The following PTPRN2 variants were observed in gnomAD, a reference collection of about 807,000 sequenced individuals.
PTPRN2 encodes receptor-type tyrosine-protein phosphatase N2.
A neutral mutation model predicts 118.8 loss-of-function variants in PTPRN2; 74 were observed. That is an observed-to-expected ratio of 0.62 (90% CI 0.52 to 0.76). PTPRN2 has a LOEUF of 0.76. Among genes scored for constraint, PTPRN2 ranks in the 30% least tolerant of loss-of-function variants. PTPRN2 has a pLI of 0.00. For missense variants in PTPRN2, 1,481 were observed against 1,394.4 expected (o/e 1.06, Z -0.99); for synonymous variants, 641 against 608.0 (o/e 1.05, Z -0.80).
intron 3 of PTPRN2, among the ~76,000 whole-genome samples, chr7:158,311,003 G>A (rs56323418): frequency 3.9e-5 from 6 of 152,204 alleles, no homozygotes; most frequent in African/African-American, 1.4e-4. Context: ...GGTCGGGTAG[G>A]GGGTGGATCT....
intron 1 of PTPRN2, among the ~76,000 whole-genome samples, chr7:158,491,133 G>A (rs773496391): frequency 3.0e-4 from 45 of 152,354 alleles, no homozygotes; most frequent in Admixed American, 1.2e-3. Context: ...CAGCACGTGC[G>A]GAGGCTTTAA....
In PTPRN2 at chr7:157,771,961, CAG is replaced by C. The variant is rs1491242280; in HGVS notation, c.1789-89026_1789-89025del. ...ACACATACAAAGACACACATACAGA[CAG>C]ACACACACACATACACACGGACACA... On this transcript the variant is annotated intron_variant, in intron 12 of 22. Coordinates refer to ENST00000389418, the MANE Select transcript of PTPRN2 (RefSeq NM_002847.5). 1.6e-4 allele frequency among the ~76,000 whole-genome samples: 24 copies of C among 147,352 alleles called. No individual in the cohort carries two copies. In the South Asian group the frequency reaches 2.1e-3, roughly 13 times the overall value.
chr7:157,926,596 CTGAG>C (rs934254881), intron 11 of PTPRN2, among the ~76,000 whole-genome samples: 9 of 152,344 alleles, frequency 5.9e-5, no homozygotes, highest in Middle Eastern at 3.4e-3. Context: ...CTGTGTGTTC[CTGAG>C]TAACTGGGCG....
chr7:158,185,233 G>A (rs561996653), intron 5 of PTPRN2, among the ~76,000 whole-genome samples: 1 of 152,098 alleles, frequency 6.6e-6, no homozygotes, highest in East Asian at 1.9e-4. Flanking sequence ...ATTTTGATCT[G>A]TTGACATTTA....
In PTPRN2 at chr7:157,929,191, T is replaced by C. The variant is rs548043157; in HGVS notation, c.1724-30454A>G. On this transcript the variant is annotated intron_variant, in intron 11 of 22. Coordinates refer to ENST00000389418, the MANE Select transcript of PTPRN2 (RefSeq NM_002847.5). This position sits in a 1 kb window ranked among gnomAD's most constrained non-coding sequence, Gnocchi z 4.4. ...GGTCAACACATGCTGCGTTAGCAAATGCTGAAGGCAGGGTCGTCCCTGGCA... is the reference window on the plus strand; with the variant it reads ...GGTCAACACATGCTGCGTTAGCAAACGCTGAAGGCAGGGTCGTCCCTGGCA... Among the ~76,000 whole-genome samples the C allele has an allele frequency of 9.7e-4, 148 of 152,132 alleles. No homozygotes were observed. Among genetic ancestry groups the C allele is most frequent in the Non-Finnish European group, 1.7e-3 (117 of 68,020 alleles).
intron 11 of PTPRN2, among the ~76,000 whole-genome samples, chr7:158,079,264 C>T (rs1812614174): frequency 6.6e-6 from 1 of 152,194 alleles, no homozygotes; most frequent in Admixed American, 6.5e-5. Context: ...AAGAAACATT[C>T]TGACTCACAC....
At chr7:157,672,313 CG>C (rs1310591658) in intron 13 of PTPRN2, among the ~76,000 whole-genome samples, 1 of 152,116 alleles carries the variant, frequency 6.6e-6, no homozygotes, top group Non-Finnish European at 1.5e-5. Flanking sequence ...TTCAGCTTCA[CG>C]TTTGGGGCTC....
rs1269361386 is a variant in PTPRN2 at position 158,096,332 on chromosome 7, T to C, written c.1643+14497A>G. ...CAGCCACATGCCCAGGCCACCTCCA[T>C]CCTTGTGGGGAAACTGAGGCTCAGG... On this transcript the variant is annotated intron_variant, in intron 10 of 22. Coordinates refer to ENST00000389418, the MANE Select transcript of PTPRN2 (RefSeq NM_002847.5). Among the ~76,000 whole-genome samples the C allele has an allele frequency of 2.0e-5, 3 of 152,150 alleles. No homozygotes were observed. In the East Asian group the frequency reaches 5.8e-4, roughly 29 times the overall value.
intron 1 of PTPRN2, among the ~76,000 whole-genome samples, chr7:158,532,333 G>A (rs1304969075): frequency 2.6e-5 from 4 of 152,180 alleles, no homozygotes; most frequent in African/African-American, 7.2e-5. Context: ...GCCCAAAAGC[G>A]ACATTGGGAG....
chr7:157,545,321 TGTAG>T (rs1268633334), intron 22 of PTPRN2, among the ~76,000 whole-genome samples: 1 of 147,478 alleles, frequency 6.8e-6, no homozygotes, highest in African/African-American at 2.6e-5. Flanking sequence ...TGCGTGGGTG[TGTAG>T]GTGTGTGTGG....
chr7:157,685,041 G>A (rs1305067003), intron 12 of PTPRN2, among the ~76,000 whole-genome samples: 1 of 152,060 alleles, frequency 6.6e-6, no homozygotes, highest in Admixed American at 6.5e-5. Flanking sequence ...GGGCGGGAGG[G>A]CTTTTCCCGG....
At chr7:157,976,430 C>A (rs1241002625) in intron 11 of PTPRN2, among the ~76,000 whole-genome samples, 7 of 152,070 alleles carry the variant, frequency 4.6e-5, no homozygotes, top group African/African-American at 1.4e-4. Flanking sequence ...GCTTCTTCCT[C>A]AGTTCCATGG....
intron 10 of PTPRN2, among the ~76,000 whole-genome samples, chr7:158,082,621 C>T (rs1179473965): frequency 6.6e-6 from 1 of 152,248 alleles, no homozygotes; most frequent in Admixed American, 6.5e-5. Context: ...AGCGCCTGCT[C>T]TGAGGAGCAA....
intron 2 of PTPRN2, among the ~76,000 whole-genome samples, chr7:158,317,884 CG>C: frequency 6.6e-6 from 1 of 152,192 alleles, no homozygotes; most frequent in Non-Finnish European, 1.5e-5. Context: ...CTCACGACGA[CG>C]GGGCCGGGTG....
chr7:157,612,110 G>A (rs1802386761), intron 15 of PTPRN2, among the ~76,000 whole-genome samples: 1 of 152,220 alleles, frequency 6.6e-6, no homozygotes, highest in African/African-American at 2.4e-5. Flanking sequence ...AGCGACCTGG[G>A]TTTGGCTTCC....
rs547851860 is a variant in PTPRN2, at chr7:158,526,344, C to T, written c.113-36559G>A. Among the ~76,000 whole-genome samples the T allele has an allele frequency of 1.2e-4, 19 of 152,308 alleles. No individual in the cohort carries two copies. The highest frequency in any genetic ancestry group is 3.4e-4 in the African/African-American group (14 of 41,576). ...GCAGGGCTGCATCTCTCCCGTGGGA[C>T]GCTGCAGAGATAACCAGGTAGAGCC... On this transcript the variant is annotated intron_variant, in intron 1 of 22. Coordinates refer to ENST00000389418, the MANE Select transcript of PTPRN2 (RefSeq NM_002847.5). The surrounding 1 kb of genome is among the most constrained non-coding windows in gnomAD (Gnocchi z 5.2).
chr7:157,983,620 G>A (rs1803485679), intron 11 of PTPRN2, among the ~76,000 whole-genome samples: 1 of 152,268 alleles, frequency 6.6e-6, no homozygotes, highest in East Asian at 1.9e-4. Context: ...GTGAGTCTGA[G>A]GCAGGGATTC....
In PTPRN2 at chr7:158,139,553, G is replaced by A. The variant is rs112419718; in HGVS notation, c.911-1038C>T. On this transcript the variant is annotated intron_variant, in intron 6 of 22. Coordinates refer to ENST00000389418, the MANE Select transcript of PTPRN2 (RefSeq NM_002847.5). ...AAAGCCCACAAGTCTCTCAAATCTG[G>A]GAAGGATTGTCACTCAGGGACTCAA... 5.3e-3 allele frequency among the ~76,000 whole-genome samples: 807 copies of A among 152,138 alleles called. 13 individuals carry two copies. The highest frequency in any genetic ancestry group is 0.018 in the African/African-American group (745 of 41,496).
chr7:158,067,437 C>A lies in PTPRN2; in HGVS notation c.1723+13861G>T, dbSNP rs116114561. ...CTCGGCTCCAGTGCCATTGAGGTCC[C>A]TGGGGGCTGCTCCCAATGGCTTGCT... On this transcript the variant is annotated intron_variant, in intron 11 of 22. Transcript: ENST00000389418. Among the ~76,000 whole-genome samples the A allele has an allele frequency of 2.0e-3, 308 of 152,310 alleles. 1 individual carries two copies. Among genetic ancestry groups the A allele is most frequent in the African/African-American group, 7.2e-3 (298 of 41,558 alleles).
Sources: gnomAD v4.1 joint callset for allele counts (sites outside exome capture counted in the v4.1 genomes callset) on GRCh38, gnomAD v4.1.1 for gene constraint, Gnocchi (gnomAD v3.1) non-coding constraint, MANE v1.5 for transcripts, NCBI Gene and HGNC (gene_info 2026-07-23, HGNC 2026-07-21) for gene names.